Variants in AUTS2 observed in about 807,000 individuals in gnomAD.
AUTS2 encodes autism susceptibility gene 2 protein.
Under a neutral mutation model 112.4 loss-of-function variants are expected in AUTS2, and 17 were observed. The ratio of observed to expected loss-of-function variants is 0.15; its 90% CI spans 0.10 to 0.23. The LOEUF is 0.23. AUTS2 is among the 10% of genes least tolerant of loss of function. The pLI, the probability that AUTS2 is intolerant of heterozygous loss-of-function variation, is 1.00. For missense variants in AUTS2, 1,510 were observed against 1,701.6 expected (o/e 0.89, Z 1.98); for synonymous variants, 751 against 702.7 (o/e 1.07, Z -1.09).
At chr7:70,686,861 T>G (rs1022804034) in intron 5 of AUTS2, among the ~76,000 whole-genome samples, 4 of 152,152 alleles carry the variant, frequency 2.6e-5, no homozygotes, top group African/African-American at 7.2e-5. Context: ...TTCATTCATT[T>G]ATTTGTTTTT....
intron 5 of AUTS2, among the ~76,000 whole-genome samples, chr7:70,588,299 A>G (rs908531447): frequency 6.6e-6 from 1 of 152,184 alleles, no homozygotes; most frequent in Admixed American, 6.6e-5. Context: ...TGCTGAGCCA[A>G]TCAAGAGAGA....
chr7:70,476,908 A>G (rs1797604597), intron 5 of AUTS2, among the ~76,000 whole-genome samples: 1 of 152,264 alleles, frequency 6.6e-6, no homozygotes, highest in Non-Finnish European at 1.5e-5. Context: ...ATTTGTGTTC[A>G]GAGCTGGAGA....
chr7:70,012,352 C>T (rs967514184), intron 2 of AUTS2, among the ~76,000 whole-genome samples: 3 of 152,002 alleles, frequency 2.0e-5, no homozygotes, highest in African/African-American at 7.3e-5. Context: ...TGTAAGAGGC[C>T]CCCTTGGTAA....
intron 5 of AUTS2, among the ~76,000 whole-genome samples, chr7:70,543,340 A>G (rs12537482): frequency 0.033 from 4,982 of 152,020 alleles, 145 homozygotes; most frequent in Admixed American, 0.1. Context: ...CGTCTCTACT[A>G]AAAATACAAA....
chr7:69,854,213 T>G (rs1562929657), intron 1 of AUTS2, among the ~76,000 whole-genome samples: 1 of 152,188 alleles, frequency 6.6e-6, no homozygotes, highest in Non-Finnish European at 1.5e-5. Context: ...AGTGACTTTC[T>G]AAATTCACCC....
chr7:69,836,841 G>A (rs377735439), intron 1 of AUTS2, among the ~76,000 whole-genome samples: 1 of 152,170 alleles, frequency 6.6e-6, no homozygotes, highest in South Asian at 2.1e-4. Context: ...GCTATAGTGT[G>A]TGTGAAGTTG....
chr7:70,520,213 C>T (rs1799585561), intron 5 of AUTS2, among the ~76,000 whole-genome samples: 1 of 152,130 alleles, frequency 6.6e-6, no homozygotes, highest in Non-Finnish European at 1.5e-5. Context: ...GTCTTGTTCT[C>T]TCTCTTTCTC....
chr7:70,364,090 T>G lies in AUTS2; in HGVS notation c.661-71662T>G, dbSNP rs529063162. On this transcript the variant is annotated intron_variant, in intron 4 of 18. Transcript: ENST00000342771. ...TTTCAGCAGGGTTTGTGGAAGGGCA[T>G]GGCCAAGTTGATGGTGATCATATGC... Among the ~76,000 whole-genome samples the G allele has an allele frequency of 7.6e-4, 116 of 152,304 alleles. 2 individuals are homozygous for G. The highest frequency in any genetic ancestry group is 3.4e-3 in the Middle Eastern group (1 of 294).
chr7:69,828,774 G>A (rs569119638), intron 1 of AUTS2, among the ~76,000 whole-genome samples: 7 of 152,054 alleles, frequency 4.6e-5, no homozygotes, highest in Non-Finnish European at 8.8e-5. Context: ...TTTCTCCAAA[G>A]CAAGGGGACA....
chr7:69,642,695 A>G (rs1444001456), intron 1 of AUTS2, among the ~76,000 whole-genome samples: 1 of 152,184 alleles, frequency 6.6e-6, no homozygotes, highest in African/African-American at 2.4e-5. Flanking sequence ...CATTTATTTC[A>G]GGCCTCTTCC....
chr7:70,736,056 C>G (rs1403869355), intron 6 of AUTS2, among the ~76,000 whole-genome samples: 3 of 149,660 alleles, frequency 2.0e-5, no homozygotes, highest in Non-Finnish European at 3.0e-5. Flanking sequence ...GTGTGTATAA[C>G]TATAACAATT....
chr7:70,054,711 T>A (rs1046703523), intron 2 of AUTS2, among the ~76,000 whole-genome samples: 1 of 152,170 alleles, frequency 6.6e-6, no homozygotes, highest in Non-Finnish European at 1.5e-5. Flanking sequence ...ACAGAATGAA[T>A]CAAAATCAGT....
In AUTS2 at chr7:70,766,938, T is replaced by C. The variant is rs1330541664; in HGVS notation, c.1689+604T>C. On this transcript the variant is annotated intron_variant, in intron 9 of 18. Coordinates refer to ENST00000342771, the MANE Select transcript of AUTS2 (RefSeq NM_015570.4). The surrounding 1 kb of genome is among the most constrained non-coding windows in gnomAD (Gnocchi z 4.8). ...CCCGCAGGGACAGAACGCTCTGCCT[T>C]GGGGCAAGAGGAACCACTGGCCATG... 2.0e-5 allele frequency among the ~76,000 whole-genome samples: 3 copies of C among 152,206 alleles called. No homozygotes were observed. The East Asian group carries it at 5.8e-4, about 29-fold the overall frequency.
intron 1 of AUTS2, among the ~76,000 whole-genome samples, chr7:69,621,091 A>G (rs559939625): frequency 3.3e-5 from 5 of 152,200 alleles, no homozygotes; most frequent in Non-Finnish European, 7.3e-5. Flanking sequence ...AATGAGAACA[A>G]GCATTTATTG....
At chr7:69,677,434 A>C (rs1796610481) in intron 1 of AUTS2, among the ~76,000 whole-genome samples, 1 of 152,198 alleles carries the variant, frequency 6.6e-6, no homozygotes, top group Non-Finnish European at 1.5e-5. Context: ...TATAGTGCTT[A>C]ACTGGAAACC....
chr7:69,957,077 G>C (rs1029155069), intron 2 of AUTS2, among the ~76,000 whole-genome samples: 2 of 149,836 alleles, frequency 1.3e-5, no homozygotes, highest in Admixed American at 1.3e-4. Flanking sequence ...TGGAGAGACG[G>C]GGTTTTGCCA....
intron 4 of AUTS2, among the ~76,000 whole-genome samples, chr7:70,164,036 T>A (rs1282909708): frequency 1.3e-5 from 2 of 152,206 alleles, no homozygotes; most frequent in African/African-American, 4.8e-5. Flanking sequence ...CTGCAATGCT[T>A]ATGTGCAGGT....
chr7:70,230,080 G>GCC (rs1239132063), intron 4 of AUTS2, among the ~76,000 whole-genome samples: 1 of 149,562 alleles, frequency 6.7e-6, no homozygotes, highest in Non-Finnish European at 1.5e-5. Flanking sequence ...CTCAGAGATA[G>GCC]TATCTATTGA....
At chr7:69,745,299 A>G (rs1416238590) in intron 1 of AUTS2, among the ~76,000 whole-genome samples, 1 of 152,202 alleles carries the variant, frequency 6.6e-6, no homozygotes, top group Non-Finnish European at 1.5e-5. Context: ...ATGTAGGGCC[A>G]GATAGGTACA....
Sources: gnomAD v4.1 joint callset for allele counts (sites outside exome capture counted in the v4.1 genomes callset) on GRCh38, gnomAD v4.1.1 for gene constraint, Gnocchi (gnomAD v3.1) non-coding constraint, MANE v1.5 for transcripts, NCBI Gene and HGNC (gene_info 2026-07-23, HGNC 2026-07-21) for gene names.